Variants in SENP1 observed in about 807,000 individuals in gnomAD.
SENP1 encodes sentrin-specific protease 1.
SENP1 carries 21 observed loss-of-function variants against 93.0 expected under a neutral mutation model. The observed-to-expected ratio is 0.23, with a 90% CI of 0.16 to 0.33. The LOEUF (loss-of-function observed/expected upper bound fraction) is 0.33. Ranked by LOEUF, SENP1 falls within the 10% of genes least tolerant of loss-of-function variation. The probability of loss-of-function intolerance (pLI) is 1.00; values close to 1 mark genes in which losing one functional copy is unlikely to be tolerated. For synonymous variants in SENP1, 256 were observed against 259.6 expected (o/e 0.99, Z 0.13); for missense variants, 591 against 758.7 (o/e 0.78, Z 2.60).
At chr12:48,051,190 C>G (rs1399962547) in intron 13 of SENP1, among the ~76,000 whole-genome samples, 1 of 152,070 alleles carries the variant, frequency 6.6e-6, no homozygotes, top group Non-Finnish European at 1.5e-5. Flanking sequence ...TGGACTTACA[C>G]AGCCTGAGTT....
In SENP1 at chr12:48,044,894, G is replaced by A. The variant is rs992513448; in HGVS notation, c.*428C>T. ...GGTGTGTGTGTATGTCCATGTATATGCTGGTGGTTTTTATCCCTACCTTTT... is the reference window on the plus strand; with the variant it reads ...GGTGTGTGTGTATGTCCATGTATATACTGGTGGTTTTTATCCCTACCTTTT... On this transcript the variant is annotated 3_prime_UTR_variant, in exon 18 of 18. Coordinates refer to ENST00000549518, the MANE Select transcript of SENP1 (RefSeq NM_001267594.2). The A allele has an allele frequency of 8.8e-5, 16 of 182,830 alleles. No individual in the cohort carries two copies. The highest frequency in any genetic ancestry group is 5.4e-5 in the Admixed American group (1 of 18,650). The allele number at this position is 182,830 out of a possible 1,614,324, so 11.3% of individuals were successfully genotyped here.
chr12:48,091,450 CAAA>C (rs755715258), intron 4 of SENP1, among the ~76,000 whole-genome samples: 1 of 110,604 alleles, frequency 9.0e-6, no homozygotes, highest in Admixed American at 9.1e-5. Flanking sequence ...ATTCTGTCTC[CAAA>C]AAAAAAAAAA....
chr12:48,098,572 G>A (rs1417247717), intron 2 of SENP1, among the ~76,000 whole-genome samples: 1 of 151,662 alleles, frequency 6.6e-6, no homozygotes, highest in East Asian at 1.9e-4. Flanking sequence ...GACCCTGGGA[G>A]GCAGAGGTTG....
chr12:48,044,024 C>T lies in SENP1; in HGVS notation c.*1298G>A, dbSNP rs1171485873. ...ATGACACTGGCATTTGATCACTTCA[C>T]TATCTAAGCCTGAGGAGCTCTCAGA... On this transcript the variant is annotated 3_prime_UTR_variant, in exon 18 of 18. Transcript: ENST00000549518. 6.6e-6 allele frequency: 1 copy of T among 152,368 alleles called. No homozygotes were observed. Among genetic ancestry groups the T allele is most frequent in the Admixed American group, 6.6e-5 (1 of 15,254 alleles). The allele number at this position is 152,368 out of a possible 1,614,324, so 9.4% of individuals were successfully genotyped here.
chr12:48,058,674 C>T (rs192121198), intron 13 of SENP1, among the ~76,000 whole-genome samples: 3 of 152,220 alleles, frequency 2.0e-5, no homozygotes, highest in East Asian at 3.9e-4. Context: ...ATAAATCCCA[C>T]AGTATGTTGT....
chr12:48,073,853 A>T (rs1036690013), intron 8 of SENP1, among the ~76,000 whole-genome samples: 1 of 152,258 alleles, frequency 6.6e-6, no homozygotes, highest in Admixed American at 6.5e-5. Flanking sequence ...CTTTGACTCT[A>T]GCCTGTACTT....
At chr12:48,055,071 A>C (rs1942124454) in intron 13 of SENP1, 1 of 223,956 alleles carries the variant, frequency 4.5e-6, no homozygotes, top group Admixed American at 4.1e-5. Flanking sequence ...TAGGTGCTTC[A>C]TTCAACCAGT....
chr12:48,088,344 C>A (rs1414085005), intron 5 of SENP1, among the ~76,000 whole-genome samples: 1 of 152,172 alleles, frequency 6.6e-6, no homozygotes, highest in Non-Finnish European at 1.5e-5. Flanking sequence ...CACGAGTCAC[C>A]GTGCCCGGTC....
chr12:48,071,506 C>G (rs1943696704), intron 9 of SENP1, among the ~76,000 whole-genome samples, 161 bp downstream of exon 9: 1 of 152,102 alleles, frequency 6.6e-6, no homozygotes, highest in African/African-American at 2.4e-5. Context: ...ATCCTAGCTA[C>G]TCGGGAGGCT....
At chr12:48,092,454 T>G (rs1945282698) in intron 4 of SENP1, among the ~76,000 whole-genome samples, 1 of 152,276 alleles carries the variant, frequency 6.6e-6, no homozygotes, top group African/African-American at 2.4e-5. Context: ...AAAATATATA[T>G]AGACCACTGA....
Position 48,085,091 on chromosome 12 carries a change from G to C in SENP1, c.381-1329C>G. On this transcript the variant is annotated intron_variant, in intron 5 of 17. Transcript: ENST00000549518. ...CGGGGAGAAGGAAGCTCATCGCAGT[G>C]ATCAGAGACAAGGACACGGTGACTG... The C allele has an allele frequency of 2.9e-6, 4 of 1,375,588 alleles. No individual in the cohort carries two copies. The South Asian group carries it at 4.9e-5, about 17-fold the overall frequency. The allele number at this position is 1,375,588 out of a possible 1,614,324, so 85.2% of individuals were successfully genotyped here.
rs1565731353 is a variant in SENP1, at chr12:48,049,059, T to C, written c.1481A>G (p.Asn494Ser). The change falls in exon 14 of 18, where the codon AAT becomes AGT. Residue 494 changes from asparagine to serine, a missense_variant. By Grantham distance (46) the Asn-to-Ser change is conservative (BLOSUM62 1). Coordinates refer to ENST00000549518, the MANE Select transcript of SENP1 (RefSeq NM_001267594.2). Reference sequence around the variant, plus strand: ...TTTTAATTTAGTGAAGAAAAAGGTATTAAATGCATGCACACTTGGCAAGCC... The same window carrying C: ...TTTTAATTTAGTGAAGAAAAAGGTACTAAATGCATGCACACTTGGCAAGCC... ...EKGLPSVHAF[N>S]TFFFTKLKTA... The C allele has an allele frequency of 2.5e-6, 4 of 1,613,578 alleles. No homozygotes were observed. The highest frequency in any genetic ancestry group is 2.5e-6 in the Non-Finnish European group (3 of 1,179,658).
intron 14 of SENP1, 37 bp from the exon 15 acceptor site, chr12:48,048,117 T>C (rs768841573): frequency 5.7e-6 from 8 of 1,395,156 alleles, no homozygotes; most frequent in Non-Finnish European, 8.1e-6. Context: ...GTTTATGAGA[T>C]GAAGAAAATC....
At chr12:48,087,225 T>C (rs1032324729) in intron 5 of SENP1, among the ~76,000 whole-genome samples, 1 of 152,202 alleles carries the variant, frequency 6.6e-6, no homozygotes, top group Non-Finnish European at 1.5e-5. Flanking sequence ...AGAATATGTA[T>C]ACTATAAACT....
At chr12:48,099,273 A>G (rs1945762914) in intron 2 of SENP1, 1 of 152,190 alleles carries the variant, frequency 6.6e-6, no homozygotes, top group Non-Finnish European at 1.5e-5. Context: ...GGCTGCAGTG[A>G]GCCATGACAG....
intron 13 of SENP1, among the ~76,000 whole-genome samples, chr12:48,060,898 C>T (rs55789595): frequency 0.025 from 3,860 of 152,224 alleles, 170 homozygotes; most frequent in African/African-American, 0.085. Context: ...TATATGGCAG[C>T]CAGTTCCCAC....
chr12:48,045,434 T>C (rs1293745972), intron 17 of SENP1, 50 bp from the exon 18 acceptor site: 12 of 1,458,358 alleles, frequency 8.2e-6, no homozygotes, highest in Admixed American at 1.7e-5. Context: ...TGTCTAGACC[T>C]GATACGCCTT....
intron 8 of SENP1, among the ~76,000 whole-genome samples, chr12:48,073,119 T>G (rs141926062): frequency 6.6e-6 from 1 of 152,210 alleles, no homozygotes; most frequent in Admixed American, 6.5e-5. Context: ...GCAGGAATCA[T>G]GTTCTTCTAA....
intron 1 of SENP1, among the ~76,000 whole-genome samples, chr12:48,104,213 A>G (rs1946196226): frequency 1.5e-5 from 2 of 134,492 alleles, no homozygotes; most frequent in Non-Finnish European, 3.1e-5. Flanking sequence ...TCTGTCTAAA[A>G]AAAGAAGAAA....
Sources: allele counts gnomAD v4.1 joint callset (sites outside exome capture counted in the v4.1 genomes callset), GRCh38; gene constraint gnomAD v4.1.1; transcripts MANE v1.5; gene names NCBI Gene and HGNC (gene_info 2026-07-23, HGNC 2026-07-21).